NFX1: variants seen among roughly 807,000 people sequenced by gnomAD.
The protein encoded by NFX1 is transcriptional repressor NF-X1.
A neutral mutation model predicts 137.2 loss-of-function variants in NFX1; 69 were observed. The observed-to-expected ratio is 0.50, with a 90% confidence interval of 0.41 to 0.61. The LOEUF is 0.61. Ranked by LOEUF, NFX1 falls within the 20% of genes least tolerant of loss-of-function variation. NFX1 has a pLI of 0.00. For synonymous variants in NFX1, 495 were observed against 474.1 expected, an observed-to-expected ratio of 1.04 and a Z score of -0.57; for missense variants, 1,167 against 1,391.0, an observed-to-expected ratio of 0.84 and a Z score of 2.56.
chr9:33,301,917 T>C lies in NFX1; in HGVS notation c.1192+496T>C, dbSNP rs531029054. Among the ~76,000 whole-genome samples, 164 of 152,148 alleles carry C rather than the reference T, an allele frequency of 1.1e-3. 1 individual carries two copies. The Middle Eastern group carries it at 0.031, about 28-fold the overall frequency. On this transcript the variant is annotated intron_variant, in intron 3 of 23. Transcript: ENST00000379540. ...CAAAACTCCATCTCTACTAAAGATA[T>C]AAAAATTAGCCAGGCGTGGTGGCGG... is the stretch of plus-strand genomic sequence containing the variant.
chr9:33,294,974 A>C lies in NFX1; in HGVS notation c.580A>C (p.Asn194His). ...GGGGAAACTCAAATGTGAATGGAGTAACCGAACAACTCCAAAACCGGAGGA... is the reference window on the plus strand; with the variant it reads ...GGGGAAACTCAAATGTGAATGGAGTCACCGAACAACTCCAAAACCGGAGGA... ...VKGKLKCEWS[N>H]RTTPKPEDAG... Residue 194 changes from asparagine (N) to histidine (H), a missense_variant, in exon 2 of 24, where the codon AAC becomes CAC. Coordinates refer to ENST00000379540, the MANE Select transcript of NFX1 (RefSeq NM_002504.6). The C allele has an allele frequency of 6.2e-7, 1 of 1,614,210 alleles. No homozygotes were observed. The highest frequency in any genetic ancestry group is 8.5e-7 in the Non-Finnish European group (1 of 1,180,026).
intron 14 of NFX1, among the ~76,000 whole-genome samples, chr9:33,345,695 C>A (rs1823395896): frequency 6.6e-6 from 1 of 151,928 alleles, no homozygotes; most frequent in Non-Finnish European, 1.5e-5. Context: ...TTGATCTGTC[C>A]CCTTGTAAGT....
At chr9:33,367,835 G>A (rs1271442241) in intron 23 of NFX1, among the ~76,000 whole-genome samples, 1 of 152,230 alleles carries the variant, frequency 6.6e-6, no homozygotes, top group Non-Finnish European at 1.5e-5. Flanking sequence ...ATTCTAGAGA[G>A]AGCAGTCACT....
intron 9 of NFX1, among the ~76,000 whole-genome samples, chr9:33,326,041 G>A (rs1178135751): frequency 6.6e-6 from 1 of 152,154 alleles, no homozygotes; most frequent in Admixed American, 6.5e-5. Context: ...TCAAAGTTGT[G>A]TTAGAATAAG....
Position 33,351,621 on chromosome 9 carries a change from C to T in NFX1, c.2486C>T (p.Thr829Met), listed in dbSNP as rs772139645. ...TCTTGCGGATTACCCTGCAGTGCCA[C>T]GCTACCATGTGGGATGCACAAATGT... is the stretch of plus-strand genomic sequence containing the variant. Reference protein sequence around the residue: ...DISCGLPCSATLPCGMHKCQR... With the variant: ...DISCGLPCSAMLPCGMHKCQR... The change falls in exon 16 of 24, where the codon ACG (threonine) becomes ATG (methionine). Residue 829 changes from threonine (T) to methionine (M), a missense_variant. By Grantham distance (81) the Thr-to-Met change is moderately conservative. Around this residue, in one of 3 missense-constraint regions of NFX1, gnomAD observed 488 missense variants for 691.5 expected, o/e 0.71. Coordinates refer to ENST00000379540, the MANE Select transcript of NFX1 (RefSeq NM_002504.6). The T allele has an allele frequency of 1.4e-5, 22 of 1,614,086 alleles. No homozygotes were observed. Among genetic ancestry groups the T allele is most frequent in the South Asian group, 5.5e-5 (5 of 91,094 alleles).
rs188816516 is a variant in NFX1, at chr9:33,369,676, G to C, written c.3291-230G>C. ...ACTGTAAAGTGTAAATAGAGAATTT[G>C]TTATCTCACAGAATAAAATTCCCCA... On this transcript the variant is annotated intron_variant, in intron 23 of 23. Transcript: ENST00000379540. 3.3e-5 allele frequency among the ~76,000 whole-genome samples: 5 copies of C among 152,056 alleles called. No homozygotes were observed. In the South Asian group the frequency reaches 1.0e-3, roughly 31 times the overall value.
intron 19 of NFX1, among the ~76,000 whole-genome samples, chr9:33,356,027 G>A (rs902707929): frequency 1.3e-5 from 2 of 152,188 alleles, no homozygotes; most frequent in Non-Finnish European, 1.5e-5. Context: ...CTGATTAATA[G>A]GGTTTATGTG....
intron 1 of NFX1, among the ~76,000 whole-genome samples, chr9:33,293,820 G>A (rs1398217717): frequency 3.3e-5 from 5 of 152,072 alleles, no homozygotes. Flanking sequence ...ATATTCCTAG[G>A]GGAAAGAGAT....
At chr9:33,347,505 C>T (rs1823468717) in intron 15 of NFX1, among the ~76,000 whole-genome samples, 1 of 151,908 alleles carries the variant, frequency 6.6e-6, no homozygotes, top group Non-Finnish European at 1.5e-5. Flanking sequence ...CTTATTCCTG[C>T]AAGAATGGCA....
chr9:33,320,681 G>A (rs1336172153), intron 9 of NFX1, among the ~76,000 whole-genome samples: 3 of 152,184 alleles, frequency 2.0e-5, no homozygotes, highest in African/African-American at 7.2e-5. Context: ...GTTTTGCAAT[G>A]ACTTGGCAAC....
chr9:33,345,201 G>GT (rs1823375087), intron 14 of NFX1, among the ~76,000 whole-genome samples: 1 of 150,286 alleles, frequency 6.7e-6, no homozygotes, highest in Non-Finnish European at 1.5e-5. Flanking sequence ...AAAAGGCCGG[G>GT]TGCAGTGACT....
Position 33,303,310 on chromosome 9 carries a change from C to T in NFX1, c.1270+42C>T, listed in dbSNP as rs369215940. ...ACACTGGAGTCTCTTTTACTACATA[C>T]ATTGTACCTCAGTTCAGGAAAGGTG... is the stretch of plus-strand genomic sequence containing the variant. On this transcript the variant is annotated intron_variant, in intron 4 of 23. Coordinates refer to ENST00000379540, the MANE Select transcript of NFX1 (RefSeq NM_002504.6). 5.4e-5 allele frequency: 82 copies of T among 1,525,810 alleles called. 1 individual carries two copies. The African/African-American group carries it at 8.5e-4, about 16-fold the overall frequency. 94.5% of individuals were successfully genotyped at this position (1,525,810 alleles called of 1,614,324 possible). A position where few individuals can be genotyped will look rare whatever the true frequency, so the allele number is the denominator to read the frequency against.
chr9:33,326,049 AAG>A (rs765803979), intron 9 of NFX1, among the ~76,000 whole-genome samples: 3 of 152,218 alleles, frequency 2.0e-5, no homozygotes, highest in Non-Finnish European at 4.4e-5. Flanking sequence ...GTGTTAGAAT[AAG>A]AAAATGATAC....
intron 9 of NFX1, among the ~76,000 whole-genome samples, chr9:33,324,462 G>T (rs1399449131): frequency 6.6e-6 from 1 of 152,038 alleles, no homozygotes; most frequent in Non-Finnish European, 1.5e-5. Context: ...GAGGTGGGAA[G>T]ATTGCTTGAG....
chr9:33,320,811 G>T (rs1368034939), intron 9 of NFX1, among the ~76,000 whole-genome samples: 1 of 152,192 alleles, frequency 6.6e-6, no homozygotes, highest in Non-Finnish European at 1.5e-5. Flanking sequence ...GGTAAAGCTA[G>T]AATCTTTAGG....
In NFX1 at chr9:33,343,866, T is replaced by C. The variant is rs182967265; in HGVS notation, c.2225-203T>C. ...GGTCATAGTAATAAATGAAACTTCATATCTGTTCATGCCTTTTTCACCAGC... is the reference window on the plus strand; with the variant it reads ...GGTCATAGTAATAAATGAAACTTCACATCTGTTCATGCCTTTTTCACCAGC... On this transcript the variant is annotated intron_variant, in intron 13 of 23. Transcript: ENST00000379540. Among the ~76,000 whole-genome samples the C allele has an allele frequency of 3.4e-3, 519 of 152,322 alleles. 2 individuals carry two copies. Among genetic ancestry groups the C allele is most frequent in the South Asian group, 5.6e-3 (27 of 4,824 alleles).
intron 11 of NFX1, among the ~76,000 whole-genome samples, chr9:33,336,493 C>T (rs923112352): frequency 1.4e-4 from 21 of 152,160 alleles, no homozygotes; most frequent in Admixed American, 4.6e-4. Context: ...GGATTACAGG[C>T]GTGAGCCACC....
intron 14 of NFX1, among the ~76,000 whole-genome samples, chr9:33,344,669 C>A (rs979050752): frequency 1.3e-5 from 2 of 151,680 alleles, no homozygotes; most frequent in Non-Finnish European, 2.9e-5. Context: ...AGATTGAGAC[C>A]ATCCTGCCCA....
chr9:33,341,481 C>A (rs1330742739), intron 12 of NFX1, among the ~76,000 whole-genome samples: 2 of 152,036 alleles, frequency 1.3e-5, no homozygotes, highest in East Asian at 3.9e-4. Flanking sequence ...TATACATAAA[C>A]AAGGTAACAC....
Sources: allele counts gnomAD v4.1 joint callset (sites outside exome capture counted in the v4.1 genomes callset), GRCh38; gene constraint gnomAD v4.1.1; regional missense constraint gnomAD v4.1.1; transcripts MANE v1.5; gene names NCBI Gene and HGNC (gene_info 2026-07-23, HGNC 2026-07-21).